KCND2: variants seen among roughly 807,000 people sequenced by gnomAD.
KCND2 encodes the protein A-type voltage-gated potassium channel KCND2.
In KCND2, 16 loss-of-function variants were observed where a neutral mutation model predicts 54.4. The observed-to-expected ratio is 0.29, with a 90% CI of 0.20 to 0.45. The LOEUF is 0.45. KCND2 is among the 20% of genes least tolerant of loss of function. The pLI is 1.00. For synonymous variants in KCND2, 317 were observed against 310.7 expected (o/e 1.02, Z -0.21); for missense variants, 486 against 824.2 (o/e 0.59, Z 5.02).
chr7:120,392,302 G>A lies in KCND2; in HGVS notation c.1115+116555G>A, dbSNP rs771102018. Among the ~76,000 whole-genome samples the A allele has an allele frequency of 4.6e-5, 7 of 151,964 alleles. No individual in the cohort carries two copies. The East Asian group carries it at 5.8e-4, about 13-fold the overall frequency. ...TCTTTTTTGGTACCAGTATCATGCC[G>A]TTTTGGTTACTGTAACCTTGTAGTA... On this transcript the variant is annotated intron_variant, in intron 1 of 5. Transcript: ENST00000331113.
intron 1 of KCND2, among the ~76,000 whole-genome samples, chr7:120,419,369 A>G (rs1199340270): frequency 6.6e-6 from 1 of 152,222 alleles, no homozygotes; most frequent in Non-Finnish European, 1.5e-5. Flanking sequence ...AGAATTGGTC[A>G]AAGAAAAGAA....
At chr7:120,384,656 T>C (rs946649556) in intron 1 of KCND2, among the ~76,000 whole-genome samples, 1 of 152,184 alleles carries the variant, frequency 6.6e-6, no homozygotes, top group African/African-American at 2.4e-5. Context: ...GAACTTTCAT[T>C]TTCCTGCCCA....
chr7:120,554,312 G>T (rs1185719610), intron 1 of KCND2, among the ~76,000 whole-genome samples: 1 of 152,164 alleles, frequency 6.6e-6, no homozygotes, highest in Non-Finnish European at 1.5e-5. Flanking sequence ...ACATTAACTT[G>T]CATCAGAATC....
chr7:120,596,279 A>G (rs2116466060), intron 1 of KCND2, among the ~76,000 whole-genome samples: 1 of 152,340 alleles, frequency 6.6e-6, no homozygotes, highest in Non-Finnish European at 1.5e-5. Context: ...ACTTATATAG[A>G]TAATTGTGAT....
chr7:120,704,818 A>G (rs1792446037), intron 1 of KCND2, among the ~76,000 whole-genome samples: 1 of 152,170 alleles, frequency 6.6e-6, no homozygotes, highest in African/African-American at 2.4e-5. Context: ...TTGTCCCTCT[A>G]AATATCATTA....
At chr7:120,707,719 G>A (rs1025792475) in intron 1 of KCND2, among the ~76,000 whole-genome samples, 1 of 152,038 alleles carries the variant, frequency 6.6e-6, no homozygotes, top group Admixed American at 6.6e-5. Context: ...TTAAGATGCT[G>A]TTGAGGGATG....
chr7:120,639,973 T>A (rs980244159), intron 1 of KCND2, among the ~76,000 whole-genome samples: 5 of 152,178 alleles, frequency 3.3e-5, no homozygotes, highest in African/African-American at 1.2e-4. Flanking sequence ...ATAACTCTCA[T>A]AAATACACAT....
chr7:120,282,855 G>C (rs989728071), intron 1 of KCND2, among the ~76,000 whole-genome samples: 2 of 152,126 alleles, frequency 1.3e-5, no homozygotes, highest in African/African-American at 4.8e-5. Flanking sequence ...GACCTTTGTT[G>C]ATCACTTGCT....
intron 1 of KCND2, among the ~76,000 whole-genome samples, chr7:120,706,745 G>A (rs1337221604): frequency 6.6e-6 from 1 of 152,118 alleles, no homozygotes; most frequent in African/African-American, 2.4e-5. Context: ...TAGCACAAAT[G>A]TCACAAAAGC....
chr7:120,613,223 C>A (rs1281559213), intron 1 of KCND2, among the ~76,000 whole-genome samples: 1 of 151,828 alleles, frequency 6.6e-6, no homozygotes, highest in African/African-American at 2.4e-5. Flanking sequence ...AGTTGAGTAA[C>A]TAAAGCCTCA....
chr7:120,339,411 A>T (rs1358367931), intron 1 of KCND2, among the ~76,000 whole-genome samples: 1 of 152,060 alleles, frequency 6.6e-6, no homozygotes, highest in East Asian at 1.9e-4. Context: ...TTGAGAGCTT[A>T]TTATCCTATA....
At chr7:120,474,190 C>G (rs957591570) in intron 1 of KCND2, among the ~76,000 whole-genome samples, 1 of 152,140 alleles carries the variant, frequency 6.6e-6, no homozygotes, top group East Asian at 1.9e-4. Flanking sequence ...TGGTGATTCC[C>G]CAGCATAGCT....
chr7:120,273,362 C>A lies in KCND2; in HGVS notation c.-1271C>A, dbSNP rs1477511759. Among the ~76,000 whole-genome samples the A allele has an allele frequency of 6.7e-6, 1 of 148,878 alleles. No individual in the cohort carries two copies. The highest frequency in any genetic ancestry group is 1.5e-5 in the Non-Finnish European group (1 of 66,904). ...TCTGCCTCCGCGCTCGGACGAGAGC[C>A]CGTGCCGGCCCCGGCCCCGGCCCCA... On this transcript the variant is annotated 5_prime_UTR_variant, in exon 1 of 6. Coordinates refer to ENST00000331113, the MANE Select transcript of KCND2 (RefSeq NM_012281.3).
chr7:120,704,633 G>A (rs1792443586), intron 1 of KCND2, among the ~76,000 whole-genome samples: 1 of 152,130 alleles, frequency 6.6e-6, no homozygotes, highest in Non-Finnish European at 1.5e-5. Flanking sequence ...AATAACAAGG[G>A]AATAATATGA....
At chr7:120,278,439 G>C (rs948064509) in intron 1 of KCND2, among the ~76,000 whole-genome samples, 2 of 151,428 alleles carry the variant, frequency 1.3e-5, no homozygotes, top group African/African-American at 4.9e-5. Context: ...AATTTTAATG[G>C]AGCTAAATGT....
chr7:120,360,156 G>A (rs1323107697), intron 1 of KCND2, among the ~76,000 whole-genome samples: 1 of 151,982 alleles, frequency 6.6e-6, no homozygotes, highest in Non-Finnish European at 1.5e-5. Flanking sequence ...GAATAATGCT[G>A]ATTATTACTA....
intron 1 of KCND2, among the ~76,000 whole-genome samples, chr7:120,693,178 G>C (rs1322927329): frequency 3.9e-5 from 6 of 151,976 alleles, no homozygotes; most frequent in Non-Finnish European, 5.9e-5. Flanking sequence ...ATAAACATTT[G>C]CACTTTCTAT....
chr7:120,394,364 A>G (rs186180735), intron 1 of KCND2, among the ~76,000 whole-genome samples: 40 of 152,088 alleles, frequency 2.6e-4, no homozygotes, highest in African/African-American at 9.4e-4. Flanking sequence ...AGACTAGTTG[A>G]GTCGTGAGTC....
chr7:120,747,620 G>A, intron 5 of KCND2, 61 bp from the exon 6 acceptor site: 5 of 1,184,804 alleles, frequency 4.2e-6, no homozygotes, highest in Non-Finnish European at 6.3e-6. Flanking sequence ...ATATTCTTCA[G>A]TTGTATGAAA....
Sources: gnomAD v4.1 joint callset for allele counts (sites outside exome capture counted in the v4.1 genomes callset) on GRCh38, gnomAD v4.1.1 for gene constraint, MANE v1.5 for transcripts, NCBI Gene and HGNC (gene_info 2026-07-23, HGNC 2026-07-21) for gene names.